NELL1: variants seen among roughly 807,000 people sequenced by gnomAD.
NELL1 encodes the protein neural EGFL like 1.
Under a neutral mutation model 107.4 loss-of-function variants are expected in NELL1, and 76 were observed. That is an observed-to-expected ratio of 0.71 (90% CI 0.59 to 0.86). NELL1 has a LOEUF of 0.86. NELL1 is among the 40% of genes least tolerant of loss of function. NELL1 has a pLI of 0.00. For synonymous variants in NELL1, 353 were observed against 341.2 expected, an observed-to-expected ratio of 1.03 and a Z score of -0.38; for missense variants, 1,024 against 1,005.5, an observed-to-expected ratio of 1.02 and a Z score of -0.25.
chr11:21,113,258 T>A (rs1013693155), intron 12 of NELL1, among the ~76,000 whole-genome samples: 3 of 152,160 alleles, frequency 2.0e-5, no homozygotes, highest in Admixed American at 2.0e-4. Context: ...TATTCATTGA[T>A]ATCGACTTAG....
chr11:20,851,972 T>G (rs1416497525), intron 4 of NELL1, among the ~76,000 whole-genome samples: 1 of 152,208 alleles, frequency 6.6e-6, no homozygotes. Flanking sequence ...CCCAGCATCT[T>G]GGTCCTGAAG....
rs974646695 is a variant in NELL1, at chr11:20,927,386, T to C, written c.838T>C (p.Tyr280His). The C allele has an allele frequency of 2.5e-6, 4 of 1,613,456 alleles. No homozygotes were observed. Among genetic ancestry groups the C allele is most frequent in the Non-Finnish European group, 3.4e-6 (4 of 1,179,706 alleles). ...EKTCQVSGLL[Y>H]RDQDSWVDGD... ...GACTTGTCAAGTGAGTGGACTGCTC[T>C]ATCGAGATCAAGACTCTTGGGTAGA... The change falls in exon 8 of 20, where the codon TAT (tyrosine) becomes CAT (histidine). Residue 280 changes from tyrosine to histidine, a missense_variant. Physicochemically the swap from Tyr to His is moderately conservative, Grantham distance 83 (BLOSUM62 2). Transcript: ENST00000357134.
chr11:21,459,357 C>CAAAAAAAAAAA lies in NELL1; in HGVS notation c.1646-75014_1646-75004dup, dbSNP rs59022976. Among the ~76,000 whole-genome samples the CAAAAAAAAAAA allele has an allele frequency of 5.6e-5, 7 of 124,572 alleles. 1 individual carries two copies. The highest frequency in any genetic ancestry group is 6.5e-5 in the Non-Finnish European group (4 of 61,480). The allele number at this position is 124,572 out of a possible 152,430, so 81.7% of individuals were successfully genotyped here. On this transcript the variant is annotated intron_variant, in intron 15 of 19. Coordinates refer to ENST00000357134, the MANE Select transcript of NELL1 (RefSeq NM_006157.5). ...TGAAAAGTTACAGTGTGTTCACTAG[C>CAAAAAAAAAAA]AAAAAAAAAAAAAGTAGGATTTGAA...
chr11:20,928,343 T>G, intron 8 of NELL1, 34 bp from the exon 9 acceptor site: 1 of 1,568,160 alleles, frequency 6.4e-7, no homozygotes, highest in South Asian at 1.1e-5. Context: ...AAAGGATACT[T>G]CTGAGATTAT....
chr11:21,330,670 T>C (rs560665368), intron 14 of NELL1, among the ~76,000 whole-genome samples: 1 of 152,226 alleles, frequency 6.6e-6, no homozygotes, highest in African/African-American at 2.4e-5. Context: ...TGTATTTTAC[T>C]TTCAACATTT....
chr11:21,561,459 G>A (rs1271065644), intron 17 of NELL1, among the ~76,000 whole-genome samples: 4 of 151,912 alleles, frequency 2.6e-5, no homozygotes, highest in Non-Finnish European at 5.9e-5. Context: ...CTATATTTCA[G>A]CCACCCTATA....
intron 12 of NELL1, among the ~76,000 whole-genome samples, chr11:21,066,940 C>A (rs555525155): frequency 6.6e-6 from 1 of 150,562 alleles, no homozygotes; most frequent in Non-Finnish European, 1.5e-5. Flanking sequence ...AGCGACAGAG[C>A]GAGACTCCAT....
chr11:20,675,173 C>G (rs989630819), intron 1 of NELL1, among the ~76,000 whole-genome samples: 1 of 152,166 alleles, frequency 6.6e-6, no homozygotes, highest in African/African-American at 2.4e-5. Flanking sequence ...AAGTCGCTGC[C>G]TGAATAATGT....
chr11:20,705,734 C>G (rs1313600006), intron 2 of NELL1, among the ~76,000 whole-genome samples: 104 of 148,482 alleles, frequency 7.0e-4, no homozygotes, highest in Non-Finnish European at 9.0e-4. Context: ...AGGCAACCTA[C>G]AGAATGGGAG....
intron 12 of NELL1, among the ~76,000 whole-genome samples, chr11:21,015,120 C>A (rs1012254963): frequency 6.6e-6 from 1 of 151,958 alleles, no homozygotes; most frequent in Non-Finnish European, 1.5e-5. Context: ...TTTCTGTTTT[C>A]TTTCTTCTTC....
chr11:21,095,278 C>T (rs1012674898), intron 12 of NELL1, among the ~76,000 whole-genome samples: 6 of 152,186 alleles, frequency 3.9e-5, no homozygotes, highest in Non-Finnish European at 5.9e-5. Context: ...TTGTCCATAT[C>T]GCTATCAGGC....
intron 12 of NELL1, among the ~76,000 whole-genome samples, chr11:21,078,217 T>C (rs1854186841): frequency 6.6e-6 from 1 of 152,142 alleles, no homozygotes; most frequent in African/African-American, 2.4e-5. Flanking sequence ...TACTACATTT[T>C]AATGGAGAAA....
chr11:20,854,334 A>T (rs1228785930), intron 4 of NELL1, among the ~76,000 whole-genome samples: 1 of 152,100 alleles, frequency 6.6e-6, no homozygotes, highest in Non-Finnish European at 1.5e-5. Context: ...GTCTTCTTCC[A>T]CCTCTACCCT....
intron 15 of NELL1, among the ~76,000 whole-genome samples, chr11:21,532,345 T>C (rs1296775757): frequency 2.0e-5 from 3 of 152,220 alleles, no homozygotes; most frequent in Non-Finnish European, 2.9e-5. Flanking sequence ...AATAGAAATA[T>C]CTGTGAATTG....
intron 2 of NELL1, among the ~76,000 whole-genome samples, chr11:20,741,894 A>C (rs1855898936): frequency 6.6e-6 from 1 of 152,216 alleles, no homozygotes; most frequent in African/African-American, 2.4e-5. Context: ...CATGCTTCTT[A>C]AACTTTAATG....
At chr11:21,545,337 G>A (rs1856414892) in intron 16 of NELL1, among the ~76,000 whole-genome samples, 1 of 151,958 alleles carries the variant, frequency 6.6e-6, no homozygotes, top group Non-Finnish European at 1.5e-5. Flanking sequence ...AAAGGATTGT[G>A]AAGCAGGATT....
intron 10 of NELL1, among the ~76,000 whole-genome samples, chr11:20,943,055 GT>G (rs5790149): frequency 0.24 from 34,731 of 142,330 alleles, 4,549 homozygotes; most frequent in African/African-American, 0.37. Flanking sequence ...ATCTTTTACT[GT>G]TTTTTTTTTT....
chr11:21,083,539 AG>A (rs1738310909), intron 12 of NELL1, among the ~76,000 whole-genome samples: 1 of 152,180 alleles, frequency 6.6e-6, no homozygotes, highest in African/African-American at 2.4e-5. Context: ...ATAGGATTCA[AG>A]CCCTATCACA....
At chr11:21,271,046 A>G (rs2133934525) in intron 14 of NELL1, among the ~76,000 whole-genome samples, 1 of 152,186 alleles carries the variant, frequency 6.6e-6, no homozygotes, top group South Asian at 2.1e-4. Flanking sequence ...TATTAGAACA[A>G]AAGAAAGATT....
Sources: gnomAD v4.1 joint callset for allele counts (sites outside exome capture counted in the v4.1 genomes callset) on GRCh38, gnomAD v4.1.1 for gene constraint, MANE v1.5 for transcripts, NCBI Gene and HGNC (gene_info 2026-07-23, HGNC 2026-07-21) for gene names.